The following PYY variants were observed in gnomAD, a reference collection of about 807,000 sequenced individuals.
PYY encodes the protein peptide YY, also known as peptide tyrosine tyrosine.
A neutral mutation model predicts 10.3 loss-of-function variants in PYY; 12 were observed. The ratio of observed to expected loss-of-function variants is 1.17; its 90% CI spans 0.75 to 1.89. PYY has a LOEUF of 1.89. PYY is among the 40% of genes most tolerant of loss of function. The probability of loss-of-function intolerance (pLI) is 0.00; values close to 1 mark genes in which losing one functional copy is unlikely to be tolerated. For synonymous variants in PYY, 66 were observed against 62.0 expected (o/e 1.06, Z -0.30); for missense variants, 141 against 134.0 (o/e 1.05, Z -0.26).
intron 1 of PYY, among the ~76,000 whole-genome samples, chr17:43,996,911 A>G (rs768894842): frequency 1.3e-5 from 2 of 151,850 alleles, no homozygotes; most frequent in African/African-American, 4.8e-5. Context: ...CTGGTCTCAA[A>G]TTCCTGAGCT....
chr17:43,968,669 A>G (rs1322667004), intron 1 of PYY, among the ~76,000 whole-genome samples: 1 of 152,082 alleles, frequency 6.6e-6, no homozygotes, highest in Admixed American at 6.5e-5. Context: ...AAAATTAGCC[A>G]GGTGTGGTAG....
chr17:43,982,880 A>G (rs959745655), intron 1 of PYY, among the ~76,000 whole-genome samples: 1 of 152,032 alleles, frequency 6.6e-6, no homozygotes, highest in Non-Finnish European at 1.5e-5. Context: ...TGTTCTAAGG[A>G]GAAGGAGGAA....
intron 1 of PYY, among the ~76,000 whole-genome samples, chr17:43,976,230 C>CGTAT (rs1161116111): frequency 7.3e-6 from 1 of 136,666 alleles, no homozygotes; most frequent in South Asian, 2.2e-4. Flanking sequence ...TACATATATA[C>CGTAT]ATATGCGTAT....
chr17:43,995,079 C>T (rs1306182913), intron 1 of PYY, among the ~76,000 whole-genome samples: 2 of 152,180 alleles, frequency 1.3e-5, no homozygotes, highest in Non-Finnish European at 2.9e-5. Context: ...CGGCATCGCC[C>T]CTTGGTGGCA....
At chr17:43,963,570 A>AAAGAAAAAGAAAG (rs2048728191) in intron 2 of PYY, among the ~76,000 whole-genome samples, 3 of 104,676 alleles carry the variant, frequency 2.9e-5, no homozygotes, top group South Asian at 7.5e-4. Flanking sequence ...GGAAGGAAGG[A>AAAGAAAAAGAAAG]AAAGAAAGAA....
At chr17:43,992,244 T>C (rs2048962350) in intron 1 of PYY, among the ~76,000 whole-genome samples, 1 of 152,094 alleles carries the variant, frequency 6.6e-6, no homozygotes. Flanking sequence ...TACAGCATCA[T>C]TTATAACCAT....
At chr17:43,970,902 A>G (rs1158944363) in intron 1 of PYY, among the ~76,000 whole-genome samples, 4 of 152,220 alleles carry the variant, frequency 2.6e-5, no homozygotes, top group East Asian at 3.9e-4. Flanking sequence ...TCAATAGTCC[A>G]TTCCTTTTTC....
At chr17:43,983,303 G>C (rs1436924115) in intron 1 of PYY, among the ~76,000 whole-genome samples, 1 of 152,170 alleles carries the variant, frequency 6.6e-6, no homozygotes, top group African/African-American at 2.4e-5. Context: ...GGGACAAGGA[G>C]GGTTTTGGGG....
intron 2 of PYY, among the ~76,000 whole-genome samples, chr17:43,964,515 C>CT (rs2048740875): frequency 6.6e-6 from 1 of 152,204 alleles, no homozygotes; most frequent in Non-Finnish European, 1.5e-5. Flanking sequence ...CTTTGGGAGG[C>CT]CAAGGCAGGC....
At chr17:43,968,046 C>T (rs188428214) in intron 1 of PYY, among the ~76,000 whole-genome samples, 3 of 152,214 alleles carry the variant, frequency 2.0e-5, no homozygotes, top group African/African-American at 7.2e-5. Flanking sequence ...ACAGTAGTAT[C>T]AGTGGCTGCA....
At chr17:43,976,228 T>TACGTATATAC (rs1567932156) in intron 1 of PYY, among the ~76,000 whole-genome samples, 1 of 143,932 alleles carries the variant, frequency 6.9e-6, no homozygotes, top group African/African-American at 2.7e-5. Flanking sequence ...TATACATATA[T>TACGTATATAC]ACATATGCGT....
chr17:43,994,251 G>C lies in PYY; in HGVS notation c.-463+10140C>G, dbSNP rs1160521413. ...GCCAGGCCCCCCTCTCTCTGCCTGG[G>C]AACTGTTCTTATCTCCCAAGTGCTC... On this transcript the variant is annotated intron_variant, in intron 1 of 6. Transcript: ENST00000360085. Among the ~76,000 whole-genome samples the C allele has an allele frequency of 2.0e-5, 3 of 152,034 alleles. No individual in the cohort carries two copies. In the East Asian group the frequency reaches 5.8e-4, roughly 29 times the overall value.
intron 2 of PYY, among the ~76,000 whole-genome samples, chr17:43,963,570 A>AAAAGAAAGAAAG (rs1162426873): frequency 0.026 from 2,724 of 104,640 alleles, 73 homozygotes; most frequent in African/African-American, 0.049. Context: ...GGAAGGAAGG[A>AAAAGAAAGAAAG]AAAGAAAGAA....
chr17:43,999,635 G>A (rs2049012468), intron 1 of PYY, among the ~76,000 whole-genome samples: 1 of 152,022 alleles, frequency 6.6e-6, no homozygotes, highest in Admixed American at 6.6e-5. Context: ...AGGCGTGGTG[G>A]CGCGTGCCTG....
chr17:44,002,562 C>T lies in PYY; in HGVS notation c.-463+1829G>A, dbSNP rs76487748. Among the ~76,000 whole-genome samples the T allele has an allele frequency of 3.3e-3, 496 of 152,324 alleles. 4 individuals carry two copies. The highest frequency in any genetic ancestry group is 0.024 in the East Asian group (122 of 5,186). On this transcript the variant is annotated intron_variant, in intron 1 of 6. Coordinates refer to the PYY transcript ENST00000360085. Reference sequence around the variant, plus strand: ...CCAAGGGCAGGATGTGTGCAGCTGACAGTGCCCAGCACATGGACACAGTAT... The same window carrying T: ...CCAAGGGCAGGATGTGTGCAGCTGATAGTGCCCAGCACATGGACACAGTAT...
chr17:43,989,188 C>T (rs1435062929), intron 1 of PYY, among the ~76,000 whole-genome samples: 1 of 151,906 alleles, frequency 6.6e-6, no homozygotes, highest in Non-Finnish European at 1.5e-5. Flanking sequence ...TCCTGGCTAA[C>T]ACGGTGAAAC....
At chr17:43,990,229 G>T (rs1211352881) in intron 1 of PYY, among the ~76,000 whole-genome samples, 1 of 151,738 alleles carries the variant, frequency 6.6e-6, no homozygotes, top group Non-Finnish European at 1.5e-5. Context: ...CTTGAGGTCA[G>T]GAGTTCGAGA....
intron 1 of PYY, among the ~76,000 whole-genome samples, chr17:43,973,784 G>A (rs1171022538): frequency 6.6e-6 from 1 of 152,160 alleles, no homozygotes; most frequent in Non-Finnish European, 1.5e-5. Flanking sequence ...GACAAAGCAC[G>A]ACTCCGTCTC....
Position 43,953,276 on chromosome 17 carries a change from C to CG in PYY, c.188+19dup. On this transcript the variant is annotated intron_variant, in intron 2 of 3. Transcript: ENST00000692052. The stretch of plus-strand genomic sequence containing the variant: ...CGCAGGGTGAGAGCCCCAGGGGTCC[C>CG]GCTCCGCGCCTGCGCTCACCGCTGC... 6.2e-7 allele frequency: 1 copy of CG among 1,607,168 alleles called. No individual in the cohort carries two copies. The highest frequency in any genetic ancestry group is 8.5e-7 in the Non-Finnish European group (1 of 1,177,074).
Sources: allele counts gnomAD v4.1 joint callset (sites outside exome capture counted in the v4.1 genomes callset), GRCh38; gene constraint gnomAD v4.1.1; transcripts MANE v1.5; gene names NCBI Gene and HGNC (gene_info 2026-07-23, HGNC 2026-07-21).